GPC3: variants seen among roughly 807,000 people sequenced by gnomAD.
GPC3 encodes glypican-3.
GPC3 carries 3 observed loss-of-function variants against 34.4 expected under a neutral mutation model. The observed-to-expected ratio is 0.09, with a 90% CI of 0.04 to 0.23. The LOEUF (loss-of-function observed/expected upper bound fraction) is 0.23. Ranked by LOEUF, GPC3 falls within the 10% of genes least tolerant of loss-of-function variation. The pLI is 1.00. For synonymous variants in GPC3, 177 were observed against 174.0 expected, an observed-to-expected ratio of 1.02 and a Z score of -0.13; for missense variants, 351 against 445.6, an observed-to-expected ratio of 0.79 and a Z score of 1.91.
intron 2 of GPC3, among the ~76,000 whole-genome samples, chrX:133,852,725 C>T (rs73567080): frequency 0.022 from 2,476 of 110,893 alleles, 72 homozygotes; most frequent in African/African-American, 0.076. Flanking sequence ...GCAGCACACA[C>T]GCTGGCATTT....
intron 1 of GPC3, among the ~76,000 whole-genome samples, chrX:133,956,738 G>T (rs1168667533): frequency 9.0e-6 from 1 of 111,659 alleles, no homozygotes; most frequent in East Asian, 2.8e-4. Flanking sequence ...GTTAGTACTG[G>T]TCCTATTCCC....
chrX:133,753,617 G>A lies in GPC3; in HGVS notation c.897C>T (p.Tyr299=), dbSNP rs200421668. ...VVEIDKYWRE[Y]ILSLEELVNG... is the part of the protein sequence containing the mutation. ...TCACAAGTTCTTCAAGGGACAGAATGTATTCTCTCCAGTACTTGTCAATCT... is the reference window on the plus strand; with the variant it reads ...TCACAAGTTCTTCAAGGGACAGAATATATTCTCTCCAGTACTTGTCAATCT... Residue 299 remains tyrosine, a synonymous_variant, in exon 3 of 8, where the codon TAC becomes TAT. Coordinates refer to ENST00000370818, the MANE Select transcript of GPC3 (RefSeq NM_004484.4). The A allele has an allele frequency of 1.1e-5, 13 of 1,204,236 alleles. No homozygotes were observed. The highest frequency in any genetic ancestry group is 2.3e-4 in the Middle Eastern group (1 of 4,341).
At chrX:133,725,469 A>C (rs781372804) in intron 3 of GPC3, among the ~76,000 whole-genome samples, 3 of 112,648 alleles carry the variant, frequency 2.7e-5, no homozygotes, top group Non-Finnish European at 3.7e-5. Flanking sequence ...AGACACAATT[A>C]TGCTGTTTCC....
chrX:133,924,750 T>A (rs899775342), intron 2 of GPC3, among the ~76,000 whole-genome samples: 1 of 111,747 alleles, frequency 8.9e-6, no homozygotes, highest in Non-Finnish European at 1.9e-5. Context: ...GTCAAAAACA[T>A]GTTAGCCCAT....
chrX:133,666,677 C>G (rs7050729), intron 5 of GPC3, among the ~76,000 whole-genome samples: 4,680 of 112,032 alleles, frequency 0.042, 251 homozygotes, highest in African/African-American at 0.14. Context: ...TAAAAGTAAT[C>G]AGTGTTAGAA....
chrX:133,815,272 T>C (rs2075685071), intron 2 of GPC3, among the ~76,000 whole-genome samples: 1 of 107,445 alleles, frequency 9.3e-6, no homozygotes, highest in Non-Finnish European at 1.9e-5. Flanking sequence ...ATACTCTCCA[T>C]CTCTTTCCTC....
chrX:133,619,031 A>T (rs2070200105), intron 6 of GPC3, among the ~76,000 whole-genome samples: 2 of 111,901 alleles, frequency 1.8e-5, no homozygotes, highest in African/African-American at 6.5e-5. Context: ...TGGACAAAGG[A>T]TCTGAATAAA....
chrX:133,850,199 T>TTG (rs1402407207), intron 2 of GPC3, among the ~76,000 whole-genome samples: 8 of 101,258 alleles, frequency 7.9e-5, no homozygotes, highest in Admixed American at 3.1e-4. Context: ...GTTTTGTTTT[T>TTG]TTTTTTTTTT....
chrX:133,625,660 TAA>T (rs745494830), intron 6 of GPC3, among the ~76,000 whole-genome samples: 132 of 110,768 alleles, frequency 1.2e-3, no homozygotes, highest in African/African-American at 4.1e-3. Flanking sequence ...CTCAATGAAA[TAA>T]GAGGACACAA....
chrX:133,639,113 G>A (rs1243450563), intron 6 of GPC3, among the ~76,000 whole-genome samples: 1 of 111,659 alleles, frequency 9.0e-6, no homozygotes, highest in East Asian at 2.8e-4. Context: ...ATGCCACACA[G>A]TTTCACACCT....
At chrX:133,806,009 G>A (rs1049810336) in intron 2 of GPC3, among the ~76,000 whole-genome samples, 2 of 112,156 alleles carry the variant, frequency 1.8e-5, no homozygotes, top group Non-Finnish European at 3.8e-5. Flanking sequence ...ACTATATTTA[G>A]TAGCCAGTTA....
At chrX:133,738,133 T>C (rs1010463878) in intron 3 of GPC3, among the ~76,000 whole-genome samples, 3 of 111,490 alleles carry the variant, frequency 2.7e-5, no homozygotes, top group African/African-American at 9.8e-5. Context: ...CAGCTACTTT[T>C]TGTTGTTGTT....
intron 2 of GPC3, among the ~76,000 whole-genome samples, chrX:133,913,602 A>T (rs956898142): frequency 6.3e-5 from 7 of 111,843 alleles, no homozygotes; most frequent in African/African-American, 9.7e-5. Context: ...TTAATATGGA[A>T]TTTCTGATGG....
At chrX:133,958,477 C>G (rs1452958861) in intron 1 of GPC3, among the ~76,000 whole-genome samples, 1 of 100,784 alleles carries the variant, frequency 9.9e-6, no homozygotes, top group South Asian at 4.7e-4. Flanking sequence ...GCTCAGAGGT[C>G]GAGGCTATAG....
At chrX:133,933,547 G>A (rs1330966756) in intron 2 of GPC3, among the ~76,000 whole-genome samples, 1 of 111,253 alleles carries the variant, frequency 9.0e-6, no homozygotes, top group Non-Finnish European at 1.9e-5. Flanking sequence ...CAAATCTCAT[G>A]TTGAATTGTA....
In GPC3 at chrX:133,587,298, T is replaced by TA. The variant is rs780297035; in HGVS notation, c.1573+9141dup. 1.1e-4 allele frequency among the ~76,000 whole-genome samples: 12 copies of TA among 112,344 alleles called. No homozygotes were observed. The East Asian group carries it at 1.1e-3, about 10-fold the overall frequency. On this transcript the variant is annotated intron_variant, in intron 7 of 7. Transcript: ENST00000370818. ...GGAATGACAGGATTTCCTTTTTTTT[T>TA]ACTCCACGGCGTACATATACACCAT...
intron 6 of GPC3, among the ~76,000 whole-genome samples, chrX:133,644,776 TTC>T (rs1038090904): frequency 9.0e-6 from 1 of 111,667 alleles, no homozygotes; most frequent in Non-Finnish European, 1.9e-5. Context: ...GGATTCTTTC[TTC>T]TCTCTTTTTT....
chrX:133,889,831 C>CTTTTTTTTTTTTTTTTTTT (rs781203121), intron 2 of GPC3, among the ~76,000 whole-genome samples: 2 of 75,798 alleles, frequency 2.6e-5, no homozygotes, highest in African/African-American at 9.6e-5. Flanking sequence ...TTCTAGCCTT[C>CTTTTTTTTTTTTTTTTTTT]TTTTTTTTTT....
intron 2 of GPC3, among the ~76,000 whole-genome samples, chrX:133,861,203 A>T (rs971220816): frequency 8.9e-6 from 1 of 111,733 alleles, no homozygotes; most frequent in African/African-American, 3.3e-5. Context: ...AGATAATCAC[A>T]TCCTAGTAAG....
Sources: gnomAD v4.1 joint callset for allele counts (sites outside exome capture counted in the v4.1 genomes callset) on GRCh38, gnomAD v4.1.1 for gene constraint, MANE v1.5 for transcripts, NCBI Gene and HGNC (gene_info 2026-07-23, HGNC 2026-07-21) for gene names.